RBFOX1: variants seen among roughly 807,000 people sequenced by gnomAD.
RBFOX1 encodes RNA binding fox-1 homolog 1.
A neutral mutation model predicts 57.7 loss-of-function variants in RBFOX1; 8 were observed. That is an observed-to-expected ratio of 0.14 (90% CI 0.08 to 0.25). The LOEUF is 0.25. RBFOX1 is among the 10% of genes least tolerant of loss of function. The probability of loss-of-function intolerance (pLI) is 1.00; values close to 1 mark genes in which losing one functional copy is unlikely to be tolerated. For synonymous variants in RBFOX1, 326 were observed against 222.4 expected (o/e 1.47, Z -4.15); for missense variants, 611 against 548.5 (o/e 1.11, Z -1.14).
chr16:7,586,215 C>T (rs973483400), intron 6 of RBFOX1, among the ~76,000 whole-genome samples: 1 of 151,946 alleles, frequency 6.6e-6, no homozygotes, highest in African/African-American at 2.4e-5. Flanking sequence ...TTTACATTAC[C>T]CTCTCTCTCA....
Position 5,752,096 on chromosome 16 carries a change from AAAG to A in RBFOX1, c.319-115204_319-115202del, listed in dbSNP as rs201595541. ...ATGCAATACTATCCAGCCATAAAAA[AAAG>A]AACGAGATCATGTCCTTTGCAGGAA... On this transcript the variant is annotated intron_variant, in intron 3 of 19. Coordinates refer to the RBFOX1 transcript ENST00000641259. Among the ~76,000 whole-genome samples the A allele has an allele frequency of 7.0e-3, 1,061 of 152,360 alleles. 18 individuals carry two copies. Among genetic ancestry groups the A allele is most frequent in the African/African-American group, 0.025 (1,020 of 41,582 alleles).
At chr16:5,385,087 G>C (rs1203216483) in intron 1 of RBFOX1, among the ~76,000 whole-genome samples, 3 of 152,160 alleles carry the variant, frequency 2.0e-5, no homozygotes, top group Non-Finnish European at 2.9e-5. Context: ...GTAAATGCCG[G>C]GTTCAACATT....
In RBFOX1 at chr16:5,688,153, T is replaced by C. The variant is rs570779699; in HGVS notation, c.318+89192T>C. 3.3e-5 allele frequency among the ~76,000 whole-genome samples: 5 copies of C among 152,318 alleles called. No homozygotes were observed. In the South Asian group the frequency reaches 6.2e-4, roughly 19 times the overall value. ...AAGGAGAAGCTGAAAAAATGGTGTT[T>C]AGGTATGACAGAAAAGGAGCTTGGA... On this transcript the variant is annotated intron_variant, in intron 3 of 19. Transcript: ENST00000641259.
chr16:5,471,746 C>T (rs1210742155), intron 2 of RBFOX1, among the ~76,000 whole-genome samples: 1 of 152,210 alleles, frequency 6.6e-6, no homozygotes, highest in Non-Finnish European at 1.5e-5. Flanking sequence ...GGCAATAATT[C>T]TCTGACCTTT....
intron 14 of RBFOX1, among the ~76,000 whole-genome samples, chr16:7,681,592 G>A (rs950648744): frequency 6.6e-6 from 1 of 152,020 alleles, no homozygotes; most frequent in Non-Finnish European, 1.5e-5. Context: ...TAAAAATTAA[G>A]GAATTGTCAG....
At position 6,019,573 on chromosome 16, in the gene RBFOX1, C is replaced by T; in HGVS notation, c.-546C>T. The T allele has an allele frequency of 8.6e-7, 1 of 1,165,176 alleles. No homozygotes were observed. Among genetic ancestry groups the T allele is most frequent in the Non-Finnish European group, 1.1e-6 (1 of 945,084 alleles). 72.2% of individuals were successfully genotyped at this position (1,165,176 alleles called of 1,614,324 possible). ...GAGGCGGCGGCACTGGCTGGACCCACGCGCGCGCCTCCGGGGCTGAAGAAG... is the reference window on the plus strand; with the variant it reads ...GAGGCGGCGGCACTGGCTGGACCCATGCGCGCGCCTCCGGGGCTGAAGAAG... On this transcript the variant is annotated 5_prime_UTR_variant, in exon 1 of 16. It adds an upstream start codon to the 5' untranslated region. Transcript: ENST00000550418. This position sits in a 1 kb window ranked among gnomAD's most constrained non-coding sequence, Gnocchi z 4.2.
At chr16:6,701,267 T>G (rs2061808216) in intron 3 of RBFOX1, among the ~76,000 whole-genome samples, 1 of 152,206 alleles carries the variant, frequency 6.6e-6, no homozygotes, top group Admixed American at 6.5e-5. Context: ...TCTCTGCAGC[T>G]GACGCAGGCC....
intron 10 of RBFOX1, among the ~76,000 whole-genome samples, chr16:7,618,294 A>G (rs73490622): frequency 0.011 from 1,741 of 152,318 alleles, 35 homozygotes; most frequent in South Asian, 0.098. Flanking sequence ...TTGTATCTAT[A>G]TTCACACTGA....
intron 3 of RBFOX1, among the ~76,000 whole-genome samples, chr16:6,944,934 A>G (rs56160938): frequency 0.44 from 66,245 of 151,956 alleles, 14,788 homozygotes; most frequent in African/African-American, 0.53. Context: ...AAGGATGAAG[A>G]CAGTCTGAAA....
At chr16:6,954,953 G>A (rs1266815645) in intron 3 of RBFOX1, among the ~76,000 whole-genome samples, 2 of 152,048 alleles carry the variant, frequency 1.3e-5, no homozygotes, top group Admixed American at 6.6e-5. Flanking sequence ...TATGAAGGCT[G>A]GGTGTGGTGG....
intron 3 of RBFOX1, among the ~76,000 whole-genome samples, chr16:5,839,297 A>G (rs1416611156): frequency 6.6e-6 from 1 of 152,200 alleles, no homozygotes; most frequent in African/African-American, 2.4e-5. Context: ...AATCAGAACC[A>G]GAAATCTCAT....
intron 2 of RBFOX1, among the ~76,000 whole-genome samples, chr16:5,478,270 G>A (rs990641900): frequency 6.6e-6 from 1 of 151,768 alleles, no homozygotes; most frequent in Non-Finnish European, 1.5e-5. Context: ...CACATTGTCC[G>A]ATCCAAGCTG....
chr16:7,491,990 G>A (rs59587941), intron 4 of RBFOX1, among the ~76,000 whole-genome samples: 3 of 152,138 alleles, frequency 2.0e-5, no homozygotes, highest in Non-Finnish European at 4.4e-5. Context: ...CGCCTAGGCT[G>A]ATAACACTCT....
intron 2 of RBFOX1, among the ~76,000 whole-genome samples, chr16:6,586,800 GT>G (rs1288128645): frequency 1.3e-5 from 2 of 152,114 alleles, no homozygotes; most frequent in African/African-American, 2.4e-5. Context: ...AAGAAGCAGG[GT>G]TTTGTTTTAA....
At chr16:5,923,794 G>T (rs543380647) in intron 4 of RBFOX1, among the ~76,000 whole-genome samples, 1 of 151,966 alleles carries the variant, frequency 6.6e-6, no homozygotes, top group African/African-American at 2.4e-5. Context: ...GCCTACCTCA[G>T]CCTCCCAAAG....
At chr16:6,802,516 A>T (rs1463517283) in intron 3 of RBFOX1, among the ~76,000 whole-genome samples, 2 of 152,104 alleles carry the variant, frequency 1.3e-5, no homozygotes, top group Non-Finnish European at 2.9e-5. Flanking sequence ...GTCTCTACTT[A>T]AAATACAAAA....
At chr16:7,050,154 C>CTT (rs58027559) in intron 3 of RBFOX1, among the ~76,000 whole-genome samples, 262 of 138,316 alleles carry the variant, frequency 1.9e-3, no homozygotes, top group South Asian at 0.014. Context: ...TCAATGTGGG[C>CTT]TTTTTTTTTT....
At chr16:6,167,937 G>C (rs2152758937) in intron 1 of RBFOX1, among the ~76,000 whole-genome samples, 1 of 152,276 alleles carries the variant, frequency 6.6e-6, no homozygotes, top group Admixed American at 6.5e-5. Context: ...GGGTCAAAGT[G>C]AAGGTCATTT....
rs114536044 is a variant in RBFOX1 at position 7,121,976 on chromosome 16, A to G, written c.27+69878A>G. ...TGGAATAATTGCAAACACATTTGCC[A>G]AATCATATGCTTTACAAAAAAATTA... On this transcript the variant is annotated intron_variant, in intron 4 of 15. Coordinates refer to ENST00000550418, the MANE Select transcript of RBFOX1 (RefSeq NM_018723.4). Among the ~76,000 whole-genome samples the G allele has an allele frequency of 8.2e-3, 1,243 of 152,210 alleles. 32 individuals carry two copies. Among genetic ancestry groups the G allele is most frequent in the African/African-American group, 0.028 (1,148 of 41,578 alleles).
Sources: gnomAD v4.1 joint callset for allele counts (sites outside exome capture counted in the v4.1 genomes callset) on GRCh38, gnomAD v4.1.1 for gene constraint, Gnocchi (gnomAD v3.1) non-coding constraint, MANE v1.5 for transcripts, NCBI Gene and HGNC (gene_info 2026-07-23, HGNC 2026-07-21) for gene names.